WIF1: variants seen among roughly 807,000 people sequenced by gnomAD.
WIF1 encodes Wnt inhibitory factor 1.
A neutral mutation model predicts 53.5 loss-of-function variants in WIF1; 35 were observed. That is an observed-to-expected ratio of 0.65 (90% CI 0.50 to 0.87). The LOEUF (loss-of-function observed/expected upper bound fraction) is 0.87. Ranked by LOEUF, WIF1 falls within the 40% of genes least tolerant of loss-of-function variation. WIF1 has a pLI of 0.00. For missense variants in WIF1, 467 were observed against 476.8 expected, an observed-to-expected ratio of 0.98 and a Z score of 0.19; for synonymous variants, 171 against 170.4, an observed-to-expected ratio of 1.00 and a Z score of -0.03.
intron 2 of WIF1, among the ~76,000 whole-genome samples, chr12:65,096,616 C>G (rs1883209007): frequency 6.6e-6 from 1 of 152,168 alleles, no homozygotes; most frequent in African/African-American, 2.4e-5. Context: ...GTAACCAACT[C>G]AAATGCCCAT....
intron 3 of WIF1, 63 bp from the exon 4 acceptor site, chr12:65,068,967 A>T: frequency 6.4e-7 from 1 of 1,564,588 alleles, no homozygotes; most frequent in Non-Finnish European, 8.7e-7. Context: ...GTTTTACAGA[A>T]ATCTTGGGAA....
intron 2 of WIF1, among the ~76,000 whole-genome samples, chr12:65,106,201 G>T (rs114417406): frequency 0.013 from 1,952 of 152,142 alleles, 46 homozygotes; most frequent in African/African-American, 0.044. Context: ...AGAGGGGACA[G>T]GTTGGCACTT....
chr12:65,108,769 C>G (rs961942140), intron 2 of WIF1, among the ~76,000 whole-genome samples: 4 of 152,174 alleles, frequency 2.6e-5, no homozygotes, highest in Admixed American at 6.5e-5. Flanking sequence ...CACTCATAGA[C>G]AGAACTGTTG....
At chr12:65,081,256 AT>A (rs1882945018) in intron 2 of WIF1, among the ~76,000 whole-genome samples, 2 of 152,190 alleles carry the variant, frequency 1.3e-5, no homozygotes, top group South Asian at 4.1e-4. Flanking sequence ...TTAAACAACA[AT>A]TTTATTTAAA....
intron 2 of WIF1, among the ~76,000 whole-genome samples, chr12:65,107,615 A>C (rs1448695470): frequency 6.6e-6 from 1 of 152,226 alleles, no homozygotes; most frequent in Non-Finnish European, 1.5e-5. Flanking sequence ...GCAAGACTCC[A>C]TCTAAAAAAT....
intron 2 of WIF1, among the ~76,000 whole-genome samples, chr12:65,101,725 T>C (rs1458932727): frequency 2.0e-5 from 3 of 152,182 alleles, no homozygotes; most frequent in African/African-American, 7.2e-5. Context: ...AAAACCCTTA[T>C]AATTTGCCAA....
chr12:65,066,694 G>A lies in WIF1; in HGVS notation c.677C>T (p.Thr226Ile). Residue 226 changes from threonine to isoleucine, a missense_variant, in exon 6 of 10, where the codon ACT becomes ATT. Transcript: ENST00000286574. Reference protein sequence around the residue: ...PRCMNGGLCVTPGFCICPPGF... With the variant: ...PRCMNGGLCVIPGFCICPPGF... ...AGGTGGGCAGATGCAGAAACCAGGA[G>A]TCACACAAAGTCCACCATTCATACA... is the stretch of plus-strand genomic sequence containing the variant. The A allele has an allele frequency of 1.2e-6, 2 of 1,610,646 alleles. No homozygotes were observed. The highest frequency in any genetic ancestry group is 1.7e-6 in the Non-Finnish European group (2 of 1,178,140).
At chr12:65,094,707 A>C (rs192132515) in intron 2 of WIF1, among the ~76,000 whole-genome samples, 1 of 152,276 alleles carries the variant, frequency 6.6e-6, no homozygotes, top group East Asian at 1.9e-4. Context: ...GAGATCTTTA[A>C]AGACAGATGA....
chr12:65,100,219 G>A (rs1299113317), intron 2 of WIF1, among the ~76,000 whole-genome samples: 2 of 152,062 alleles, frequency 1.3e-5, no homozygotes, highest in Non-Finnish European at 2.9e-5. Flanking sequence ...TTATAATGTA[G>A]CATCTATCTG....
rs148952585 is a variant in WIF1 at position 65,108,129 on chromosome 12, T to G, written c.288+12288A>C. On this transcript the variant is annotated intron_variant, in intron 2 of 9. Transcript: ENST00000286574. ...TAGCACCTTCTTCATACTGCAATTA[T>G]AATACGTTTAATATTGTATTGTTAT... Among the ~76,000 whole-genome samples, 201 of 152,344 alleles carry G rather than the reference T, an allele frequency of 1.3e-3. 1 individual carries two copies. The highest frequency in any genetic ancestry group is 5.2e-3 in the South Asian group (25 of 4,828).
At chr12:65,108,856 T>C (rs914653614) in intron 2 of WIF1, among the ~76,000 whole-genome samples, 2 of 152,190 alleles carry the variant, frequency 1.3e-5, no homozygotes, top group South Asian at 2.1e-4. Context: ...AATGCTAACT[T>C]GTCCCTTCTA....
intron 9 of WIF1, among the ~76,000 whole-genome samples, chr12:65,052,988 C>G (rs752593695): frequency 1.3e-5 from 2 of 152,156 alleles, no homozygotes; most frequent in Non-Finnish European, 2.9e-5. Context: ...CATGTGTGGT[C>G]TGGACTAGGC....
At chr12:65,077,919 T>A in intron 2 of WIF1, 65 bp from the exon 3 acceptor site, 1 of 1,209,914 alleles carries the variant, frequency 8.3e-7, no homozygotes, top group Non-Finnish European at 1.2e-6. Flanking sequence ...ACCACAGAAT[T>A]CATCGTCCAT....
intron 2 of WIF1, among the ~76,000 whole-genome samples, chr12:65,111,884 C>T (rs1166220293): frequency 6.6e-6 from 1 of 152,188 alleles, no homozygotes; most frequent in Non-Finnish European, 1.5e-5. Flanking sequence ...CATAGCTACC[C>T]TGTGAGATTT....
At position 65,069,037 on chromosome 12, in the gene WIF1, C is replaced by G; in HGVS notation, c.398-133G>C. ...TGTTGTGGATTTCCTTGTATCTCCA[C>G]TGGAGTAGGAACTGTATTTTGAGCA... On this transcript the variant is annotated intron_variant, in intron 3 of 9. Coordinates refer to ENST00000286574, the MANE Select transcript of WIF1 (RefSeq NM_007191.5). 4 of 934,504 alleles carry G rather than the reference C, an allele frequency of 4.3e-6. 1 individual carries two copies. In the South Asian group the frequency reaches 7.0e-5, roughly 16 times the overall value. 57.9% of individuals were successfully genotyped at this position (934,504 alleles called of 1,614,324 possible). A position where few individuals can be genotyped will look rare whatever the true frequency, so the allele number is the denominator to read the frequency against.
chr12:65,062,119 A>T (rs1882622073), intron 7 of WIF1, among the ~76,000 whole-genome samples: 1 of 152,200 alleles, frequency 6.6e-6, no homozygotes, highest in East Asian at 1.9e-4. Context: ...AGGTAAACAG[A>T]TCCCAGCTGT....
intron 9 of WIF1, among the ~76,000 whole-genome samples, chr12:65,051,935 A>G (rs1238109658): frequency 2.0e-5 from 3 of 152,208 alleles, no homozygotes; most frequent in Non-Finnish European, 4.4e-5. Flanking sequence ...CACTTATAAG[A>G]CAGGAATTTT....
At chr12:65,097,621 A>G (rs1883225184) in intron 2 of WIF1, among the ~76,000 whole-genome samples, 2 of 152,232 alleles carry the variant, frequency 1.3e-5, no homozygotes, top group African/African-American at 4.8e-5. Flanking sequence ...CTCACTCCCA[A>G]GTCTTATCAT....
intron 8 of WIF1, 38 bp from the exon 9 acceptor site, chr12:65,055,251 T>C (rs1343310247): frequency 6.3e-7 from 1 of 1,595,344 alleles, no homozygotes; most frequent in African/African-American, 1.4e-5. Context: ...TTTCCTGAGC[T>C]TTCCTTTTTC....
Sources: allele counts gnomAD v4.1 joint callset (sites outside exome capture counted in the v4.1 genomes callset), GRCh38; gene constraint gnomAD v4.1.1; transcripts MANE v1.5; gene names NCBI Gene and HGNC (gene_info 2026-07-23, HGNC 2026-07-21).